Variants in MPDZ observed in about 807,000 individuals in gnomAD.
MPDZ encodes multiple PDZ domain crumbs cell polarity complex component.
Under a neutral mutation model 239.1 loss-of-function variants are expected in MPDZ, and 234 were observed. The ratio of observed to expected loss-of-function variants is 0.98; its 90% confidence interval spans 0.88 to 1.09. MPDZ has a LOEUF of 1.09. MPDZ is among the 50% of genes least tolerant of loss of function. The pLI is 0.00. For missense variants in MPDZ, 3,175 were observed against 2,510.0 expected (o/e 1.26, Z -5.66); for synonymous variants, 1,048 against 881.3 (o/e 1.19, Z -3.35).
At chr9:13,160,380 C>G (rs999021779) in intron 23 of MPDZ, among the ~76,000 whole-genome samples, 2 of 152,116 alleles carry the variant, frequency 1.3e-5, no homozygotes, top group Non-Finnish European at 2.9e-5. Context: ...TGCAGTGAAG[C>G]AGCTAGTCAC....
intron 2 of MPDZ, 126 bp downstream of exon 2, chr9:13,250,174 G>T: frequency 1.3e-6 from 1 of 798,108 alleles, no homozygotes. Context: ...ATGCTAGTAG[G>T]TAAAAACTTT....
intron 1 of MPDZ, among the ~76,000 whole-genome samples, chr9:13,263,956 T>C (rs976340215): frequency 1.3e-5 from 2 of 152,228 alleles, no homozygotes; most frequent in Non-Finnish European, 2.9e-5. Context: ...TCCACAATTA[T>C]ATAAACATAC....
intron 40 of MPDZ, 146 bp from the exon 41 acceptor site, chr9:13,114,167 C>A (rs1252121035): frequency 4.4e-6 from 3 of 687,568 alleles, no homozygotes; most frequent in Non-Finnish European, 7.4e-6. Context: ...AACACAGTTC[C>A]TACTGATTTT....
chr9:13,249,677 A>T (rs1391833268), intron 2 of MPDZ, among the ~76,000 whole-genome samples: 1 of 152,214 alleles, frequency 6.6e-6, no homozygotes, highest in African/African-American at 2.4e-5. Context: ...AGGAACTAGA[A>T]TGTCAGATAA....
chr9:13,131,095 T>G (rs1405871464), intron 32 of MPDZ, among the ~76,000 whole-genome samples: 1 of 152,146 alleles, frequency 6.6e-6, no homozygotes, highest in Non-Finnish European at 1.5e-5. Flanking sequence ...AATTTAAAAA[T>G]ATATAGGATA....
At chr9:13,132,178 T>C (rs943036638) in intron 32 of MPDZ, among the ~76,000 whole-genome samples, 7 of 152,172 alleles carry the variant, frequency 4.6e-5, no homozygotes, top group Non-Finnish European at 1.0e-4. Flanking sequence ...ATCTGCTGAA[T>C]AAATAAAAAA....
intron 10 of MPDZ, among the ~76,000 whole-genome samples, chr9:13,206,382 T>A (rs553346328): frequency 6.6e-6 from 1 of 152,052 alleles, no homozygotes; most frequent in Non-Finnish European, 1.5e-5. Context: ...CACAGGCTTC[T>A]ATGCCTTTTT....
intron 1 of MPDZ, among the ~76,000 whole-genome samples, chr9:13,270,519 A>G (rs978284973): frequency 1.3e-5 from 2 of 152,088 alleles, no homozygotes; most frequent in African/African-American, 4.8e-5. Flanking sequence ...AATATGATAA[A>G]AGACATGGGT....
chr9:13,247,937 A>T, intron 2 of MPDZ, 136 bp from the exon 3 acceptor site: 1 of 870,934 alleles, frequency 1.1e-6, no homozygotes, highest in South Asian at 2.3e-5. Context: ...TTGAATAAAA[A>T]AACAGTAGGC....
chr9:13,261,857 C>A (rs1226724586), intron 1 of MPDZ, among the ~76,000 whole-genome samples: 1 of 87,486 alleles, frequency 1.1e-5, no homozygotes, highest in African/African-American at 4.2e-5. Context: ...CAAAGTGAGA[C>A]CTGTCTCTAC....
intron 27 of MPDZ, chr9:13,140,755 C>A (rs1371662299): frequency 1.3e-5 from 2 of 151,710 alleles, no homozygotes; most frequent in East Asian, 1.9e-4. Context: ...AAAAATCTGC[C>A]AAGAAACTGC....
intron 22 of MPDZ, among the ~76,000 whole-genome samples, chr9:13,163,266 T>C (rs1001948682): frequency 5.9e-5 from 9 of 152,224 alleles, no homozygotes; most frequent in African/African-American, 1.9e-4. Context: ...ACATAATTAA[T>C]TCTAGAGATT....
At chr9:13,251,336 T>TCTC in intron 1 of MPDZ, among the ~76,000 whole-genome samples, 1 of 151,942 alleles carries the variant, frequency 6.6e-6, no homozygotes, top group Non-Finnish European at 1.5e-5. Flanking sequence ...AAAGAAATCT[T>TCTC]CTCAACTCCT....
intron 42 of MPDZ, 77 bp downstream of exon 42, chr9:13,112,934 G>A: frequency 7.4e-7 from 1 of 1,346,042 alleles, no homozygotes; most frequent in South Asian, 1.3e-5. Context: ...AAAACCGTAA[G>A]AAAGTTAACA....
chr9:13,181,364 A>G (rs1372770455), intron 19 of MPDZ, among the ~76,000 whole-genome samples: 1 of 152,178 alleles, frequency 6.6e-6, no homozygotes, highest in Non-Finnish European at 1.5e-5. Context: ...TGTTGCAAAG[A>G]AACAGGAAGG....
At chr9:13,192,045 C>A in intron 15 of MPDZ, 86 bp downstream of exon 15, 1 of 1,215,962 alleles carries the variant, frequency 8.2e-7, no homozygotes, top group South Asian at 2.6e-5. Flanking sequence ...AATCAAATAC[C>A]AAATTGAAAA....
chr9:13,276,795 G>C (rs1390622807), intron 1 of MPDZ: 1 of 152,206 alleles, frequency 6.6e-6, no homozygotes, highest in East Asian at 1.9e-4. Context: ...GACTATGTCA[G>C]ATCTGGGATG....
At chr9:13,232,861 G>C (rs571974665) in intron 3 of MPDZ, among the ~76,000 whole-genome samples, 52 of 147,210 alleles carry the variant, frequency 3.5e-4, no homozygotes, top group African/African-American at 1.2e-3. Flanking sequence ...TAGAAAAATG[G>C]GTGGAAAAAA....
At position 13,129,438 on chromosome 9, in the gene MPDZ, G is replaced by C. The variant is rs575980215; in HGVS notation, c.4465-2666C>G. ...AGATCACACCACTGCATTCCAGCCT[G>C]GGCAACAGAGTGAGACTCAGTCTCA... On this transcript the variant is annotated intron_variant, in intron 32 of 46. Transcript: ENST00000319217. 2.0e-5 allele frequency among the ~76,000 whole-genome samples: 3 copies of C among 151,686 alleles called. No individual in the cohort carries two copies. The East Asian group carries it at 5.8e-4, about 29-fold the overall frequency.
Sources: allele counts gnomAD v4.1 joint callset (sites outside exome capture counted in the v4.1 genomes callset), GRCh38; gene constraint gnomAD v4.1.1; transcripts MANE v1.5; gene names NCBI Gene and HGNC (gene_info 2026-07-23, HGNC 2026-07-21).